Variants in MID1 observed in about 807,000 individuals in gnomAD.
MID1 encodes midline 1.
A neutral mutation model predicts 40.4 loss-of-function variants in MID1; 7 were observed. The ratio of observed to expected loss-of-function variants is 0.17; its 90% CI spans 0.10 to 0.33. The LOEUF is 0.33. Among genes scored for constraint, MID1 ranks in the 10% least tolerant of loss-of-function variants. The pLI, the probability that MID1 is intolerant of heterozygous loss-of-function variation, is 1.00. For missense variants in MID1, 367 were observed against 558.5 expected, an observed-to-expected ratio of 0.66 and a Z score of 3.46; for synonymous variants, 229 against 221.2, an observed-to-expected ratio of 1.04 and a Z score of -0.31.
intron 1 of MID1, among the ~76,000 whole-genome samples, chrX:10,802,119 T>C (rs1238160773): frequency 6.3e-5 from 7 of 110,479 alleles, no homozygotes. Context: ...GAGATGGAGG[T>C]GACAGTGAGC....
chrX:10,702,784 AG>A (rs1488572680), intron 1 of MID1, among the ~76,000 whole-genome samples: 1 of 112,318 alleles, frequency 8.9e-6, no homozygotes, highest in Non-Finnish European at 1.9e-5. Context: ...CTTAACCCCC[AG>A]TGGGGTTGTA....
intron 1 of MID1, among the ~76,000 whole-genome samples, chrX:10,590,456 G>C (rs928573792): frequency 9.0e-6 from 1 of 111,510 alleles, no homozygotes; most frequent in Admixed American, 9.5e-5. Context: ...AATAAGGTTT[G>C]TGGGAAGACA....
At chrX:10,729,317 G>C (rs991570636) in intron 1 of MID1, among the ~76,000 whole-genome samples, 1 of 111,960 alleles carries the variant, frequency 8.9e-6, no homozygotes, top group East Asian at 2.8e-4. Context: ...TTCCAAAACC[G>C]TGTCTGCCAC....
chrX:10,454,798 G>T, intron 9 of MID1, 72 bp downstream of exon 9: 1 of 894,065 alleles, frequency 1.1e-6, no homozygotes, highest in Non-Finnish European at 1.6e-6. Flanking sequence ...ATTACAGTAT[G>T]GGTTGACTCT....
intron 2 of MID1, among the ~76,000 whole-genome samples, chrX:10,532,937 A>C (rs1312915264): frequency 9.2e-6 from 1 of 109,055 alleles, no homozygotes. Context: ...TGCCCAGCTA[A>C]TTTTCGTATT....
chrX:10,516,320 G>A (rs1310777681), intron 3 of MID1, among the ~76,000 whole-genome samples: 1 of 105,713 alleles, frequency 9.5e-6, no homozygotes, highest in Non-Finnish European at 1.9e-5. Flanking sequence ...TCAGCCTCCC[G>A]AGTAGCTGGG....
intron 3 of MID1, among the ~76,000 whole-genome samples, chrX:10,499,869 T>A (rs1485889029): frequency 8.9e-6 from 1 of 112,435 alleles, no homozygotes; most frequent in Non-Finnish European, 1.9e-5. Context: ...AAATGTGGTG[T>A]GTAATATACC....
At chrX:10,783,134 T>C (rs1037263138) in intron 1 of MID1, among the ~76,000 whole-genome samples, 1 of 111,898 alleles carries the variant, frequency 8.9e-6, no homozygotes, top group African/African-American at 3.2e-5. Context: ...AATAGCCATA[T>C]TGGACAGCTA....
intron 1 of MID1, among the ~76,000 whole-genome samples, chrX:10,799,387 A>T (rs759735102): frequency 1.8e-5 from 2 of 112,465 alleles, no homozygotes; most frequent in African/African-American, 6.4e-5. Flanking sequence ...CACAGAATGT[A>T]ATGAGGGACA....
intron 2 of MID1, among the ~76,000 whole-genome samples, chrX:10,552,657 A>G (rs938930415): frequency 9.1e-6 from 1 of 110,166 alleles, no homozygotes; most frequent in East Asian, 2.8e-4. Flanking sequence ...ACCCACAAAT[A>G]TGGAGGGCCA....
At chrX:10,480,962 A>G (rs765255314) in intron 5 of MID1, among the ~76,000 whole-genome samples, 1 of 112,440 alleles carries the variant, frequency 8.9e-6, no homozygotes, top group Non-Finnish European at 1.9e-5. Flanking sequence ...GCAAGCACTC[A>G]ATAAATGTTA....
chrX:10,552,674 T>A (rs916047586), intron 2 of MID1, among the ~76,000 whole-genome samples: 1 of 110,623 alleles, frequency 9.0e-6, no homozygotes, highest in Non-Finnish European at 1.9e-5. Context: ...GCCAACTGCA[T>A]TGTCCATATA....
At chrX:10,731,966 C>CAAAAAAAAAAAAAAAA (rs754605735) in intron 1 of MID1, among the ~76,000 whole-genome samples, 3 of 26,650 alleles carry the variant, frequency 1.1e-4, no homozygotes, top group African/African-American at 2.9e-4. Context: ...GAATCTATCA[C>CAAAAAAAAAAAAAAAA]AAAAAAAAAA....
chrX:10,691,893 G>A (rs1212546564), intron 1 of MID1, among the ~76,000 whole-genome samples: 1 of 111,511 alleles, frequency 9.0e-6, no homozygotes, highest in Admixed American at 9.5e-5. Context: ...TGCATTCCTT[G>A]GGGGAGGTCT....
At chrX:10,817,558 TTCTTTCTTTCTTTC>T (rs1457876153) in intron 1 of MID1, among the ~76,000 whole-genome samples, 2 of 98,460 alleles carry the variant, frequency 2.0e-5, no homozygotes, top group Non-Finnish European at 2.1e-5. Flanking sequence ...CTTTCTTTCT[TTCTTTCTTTCTTTC>T]TCTCTTTCTT....
intron 1 of MID1, among the ~76,000 whole-genome samples, chrX:10,782,497 G>A (rs113406039): frequency 0.044 from 4,867 of 111,719 alleles, 231 homozygotes; most frequent in African/African-American, 0.15. Context: ...AGGATCCTCA[G>A]GCCGATATTC....
chrX:10,502,925 G>T (rs1931629858), intron 3 of MID1, among the ~76,000 whole-genome samples: 1 of 111,947 alleles, frequency 8.9e-6, no homozygotes, highest in South Asian at 3.7e-4. Context: ...GGGGTTAGTG[G>T]TACTACATAA....
chrX:10,514,184 G>C (rs1183218128), intron 3 of MID1, among the ~76,000 whole-genome samples: 1 of 111,812 alleles, frequency 8.9e-6, no homozygotes, highest in Admixed American at 9.5e-5. Flanking sequence ...GAGCCACTAG[G>C]TAGGATTCTG....
chrX:10,543,712 G>A (rs1315475330), intron 2 of MID1, among the ~76,000 whole-genome samples: 1 of 111,038 alleles, frequency 9.0e-6, no homozygotes, highest in East Asian at 2.8e-4. Flanking sequence ...GCGTGGTGGT[G>A]TGCATCTGTA....
Sources: allele counts gnomAD v4.1 joint callset (sites outside exome capture counted in the v4.1 genomes callset), GRCh38; gene constraint gnomAD v4.1.1; transcripts MANE v1.5; gene names NCBI Gene and HGNC (gene_info 2026-07-23, HGNC 2026-07-21).